The following GALNT13 variants were observed in gnomAD, a reference collection of about 807,000 sequenced individuals.
GALNT13 encodes the protein polypeptide N-acetylgalactosaminyltransferase 13.
Under a neutral mutation model 64.2 loss-of-function variants are expected in GALNT13, and 28 were observed. The observed-to-expected ratio is 0.44, with a 90% confidence interval of 0.32 to 0.60. The LOEUF is 0.60. Ranked by LOEUF, GALNT13 falls within the 20% of genes least tolerant of loss-of-function variation. The probability of loss-of-function intolerance (pLI) is 0.05; values close to 1 mark genes in which losing one functional copy is unlikely to be tolerated. For missense variants in GALNT13, 577 were observed against 669.8 expected (o/e 0.86, Z 1.53); for synonymous variants, 214 against 224.6 (o/e 0.95, Z 0.42).
chr2:154,300,380 A>G (rs1312053625), intron 8 of GALNT13, among the ~76,000 whole-genome samples: 1 of 151,754 alleles, frequency 6.6e-6, no homozygotes, highest in Non-Finnish European at 1.5e-5. Flanking sequence ...TGGGATTACA[A>G]GTGTGAGCCA....
chr2:153,970,051 T>C (rs746439483), intron 3 of GALNT13, among the ~76,000 whole-genome samples: 9 of 152,178 alleles, frequency 5.9e-5, no homozygotes, highest in Non-Finnish European at 1.3e-4. Flanking sequence ...TAGCATGCCA[T>C]GAATTCAAAG....
the GALNT13 span, among the ~76,000 whole-genome samples, chr2:153,547,138 T>A: frequency 6.6e-6 from 1 of 152,226 alleles, no homozygotes; most frequent in East Asian, 1.9e-4. Flanking sequence ...AAAATACATC[T>A]TAACTTTTCT....
At chr2:153,651,702 T>G in the GALNT13 span, among the ~76,000 whole-genome samples, 1 of 152,128 alleles carries the variant, frequency 6.6e-6, no homozygotes, top group Non-Finnish European at 1.5e-5. Flanking sequence ...TTTTTCCTTA[T>G]AGTAACAGAT....
chr2:153,208,522 T>C, the GALNT13 span, among the ~76,000 whole-genome samples: 1 of 152,196 alleles, frequency 6.6e-6, no homozygotes, highest in Admixed American at 6.5e-5. Flanking sequence ...TATTTCATTG[T>C]ATGGCCACAG....
chr2:154,136,739 T>C (rs2105566871), intron 3 of GALNT13, among the ~76,000 whole-genome samples: 1 of 152,238 alleles, frequency 6.6e-6, no homozygotes. Context: ...GTCAAACTAA[T>C]TATTTTTTTA....
chr2:154,010,910 TG>T (rs1696590774), intron 3 of GALNT13, among the ~76,000 whole-genome samples: 2 of 151,608 alleles, frequency 1.3e-5, no homozygotes, highest in African/African-American at 2.4e-5. Context: ...GGTTTTTTTG[TG>T]TGTGTGTGTG....
At chr2:153,337,639 G>GA in the GALNT13 span, 2 of 152,190 alleles carry the variant, frequency 1.3e-5, no homozygotes, top group African/African-American at 4.8e-5. Context: ...TTAAGGCATA[G>GA]TGAGATAATC....
intron 4 of GALNT13, among the ~76,000 whole-genome samples, chr2:154,226,461 A>C (rs1305543118): frequency 1.3e-5 from 2 of 152,166 alleles, no homozygotes; most frequent in Admixed American, 6.6e-5. Flanking sequence ...ATTGTCATTT[A>C]TAACAATGAT....
the GALNT13 span, among the ~76,000 whole-genome samples, chr2:153,094,857 C>T: frequency 6.6e-6 from 1 of 152,138 alleles, no homozygotes; most frequent in Non-Finnish European, 1.5e-5. Flanking sequence ...GAAACTGGAT[C>T]CCTTCCTTAC....
At chr2:153,951,359 T>A (rs1028931950) in intron 3 of GALNT13, among the ~76,000 whole-genome samples, 1 of 152,136 alleles carries the variant, frequency 6.6e-6, no homozygotes. Context: ...AGAGAATGGA[T>A]TAGAGAAGAG....
At chr2:154,026,630 C>T (rs931497264) in intron 3 of GALNT13, among the ~76,000 whole-genome samples, 1 of 152,168 alleles carries the variant, frequency 6.6e-6, no homozygotes, top group African/African-American at 2.4e-5. Context: ...GGAGAGAGTG[C>T]AAGTTATCAT....
At position 154,445,831 on chromosome 2, in the gene GALNT13, C is replaced by A. The variant is rs568068614; in HGVS notation, c.1531-4580C>A. ...ACTTAGTGTCTCCCAAGGGCAGGCA[C>A]GGAGCTTCAAGATGTAGGTGGCCAT... On this transcript the variant is annotated intron_variant, in intron 12 of 12. Coordinates refer to ENST00000392825, the MANE Select transcript of GALNT13 (RefSeq NM_052917.4). 3.7e-4 allele frequency: 474 copies of A among 1,288,364 alleles called. 8 individuals carry two copies. In the South Asian group the frequency reaches 4.4e-3, roughly 12 times the overall value. The allele number at this position is 1,288,364 out of a possible 1,614,324, so 79.8% of individuals were successfully genotyped here.
At chr2:153,652,964 A>G in the GALNT13 span, among the ~76,000 whole-genome samples, 2 of 152,114 alleles carry the variant, frequency 1.3e-5, no homozygotes, top group Non-Finnish European at 2.9e-5. Flanking sequence ...GTAGTATAAG[A>G]TATATATACA....
chr2:153,123,352 C>T, the GALNT13 span, among the ~76,000 whole-genome samples: 10 of 152,142 alleles, frequency 6.6e-5, no homozygotes. Flanking sequence ...TAGGGCAGCA[C>T]CAGAAACCTG....
chr2:154,211,613 A>G (rs1471490094), intron 4 of GALNT13, among the ~76,000 whole-genome samples: 2 of 127,938 alleles, frequency 1.6e-5, no homozygotes, highest in Non-Finnish European at 3.2e-5. Flanking sequence ...GGGCAACAAG[A>G]GCGAAACTCC....
intron 3 of GALNT13, among the ~76,000 whole-genome samples, chr2:153,963,628 G>A (rs1693092259): frequency 6.6e-6 from 1 of 151,782 alleles, no homozygotes; most frequent in African/African-American, 2.4e-5. Flanking sequence ...TGAGTTAATT[G>A]TGGTATCTCA....
chr2:153,106,519 G>A, the GALNT13 span, among the ~76,000 whole-genome samples: 2 of 152,148 alleles, frequency 1.3e-5, no homozygotes, highest in African/African-American at 4.8e-5. Context: ...TTAGGCAAGT[G>A]TTTTCTTAGC....
At chr2:153,178,454 G>A in the GALNT13 span, among the ~76,000 whole-genome samples, 1 of 152,052 alleles carries the variant, frequency 6.6e-6, no homozygotes, top group Non-Finnish European at 1.5e-5. Context: ...TTTCCCTAAT[G>A]ATAAGTGATG....
chr2:153,637,042 G>C, the GALNT13 span, among the ~76,000 whole-genome samples: 1 of 151,686 alleles, frequency 6.6e-6, no homozygotes, highest in Non-Finnish European at 1.5e-5. Context: ...TCGATAATAG[G>C]CACCAAAAAA....
Sources: gnomAD v4.1 joint callset for allele counts (sites outside exome capture counted in the v4.1 genomes callset) on GRCh38, gnomAD v4.1.1 for gene constraint, MANE v1.5 for transcripts, NCBI Gene and HGNC (gene_info 2026-07-23, HGNC 2026-07-21) for gene names.